APBB1: variants seen among roughly 807,000 people sequenced by gnomAD.
APBB1 encodes adaptor protein FE65a2.
A neutral mutation model predicts 78.4 loss-of-function variants in APBB1; 22 were observed. The ratio of observed to expected loss-of-function variants is 0.28; its 90% CI spans 0.20 to 0.40. The LOEUF is 0.40. Among genes scored for constraint, APBB1 ranks in the 10% least tolerant of loss-of-function variants. APBB1 has a pLI of 1.00. For synonymous variants in APBB1, 369 were observed against 372.7 expected (o/e 0.99, Z 0.12); for missense variants, 749 against 932.4 (o/e 0.80, Z 2.56).
At chr11:6,408,100 C>T (rs1848863354) in intron 2 of APBB1, among the ~76,000 whole-genome samples, 1 of 152,162 alleles carries the variant, frequency 6.6e-6, no homozygotes, top group Non-Finnish European at 1.5e-5. Context: ...TTTAATACCA[C>T]CTATGAAATA....
intron 7 of APBB1, 101 bp from the exon 8 acceptor site, chr11:6,402,310 C>T (rs976354538): frequency 3.2e-5 from 49 of 1,531,322 alleles, no homozygotes; most frequent in Non-Finnish European, 4.1e-5. Context: ...CTCTGGGGCC[C>T]CTGCTTTGGT....
intron 2 of APBB1, chr11:6,405,594 G>A (rs1848769945): frequency 2.7e-5 from 27 of 985,876 alleles, no homozygotes; most frequent in South Asian, 4.7e-5. Flanking sequence ...GCGTGGTTAC[G>A]CCAAGGTGGC....
At chr11:6,398,004 G>A (rs1223434877) in intron 12 of APBB1, among the ~76,000 whole-genome samples, 1 of 152,198 alleles carries the variant, frequency 6.6e-6, no homozygotes, top group Admixed American at 6.5e-5. Context: ...TCAGGTGTGT[G>A]AAAGGGACAT....
intron 1 of APBB1, among the ~76,000 whole-genome samples, chr11:6,416,244 T>C (rs1333434777): frequency 2.6e-5 from 4 of 152,180 alleles, no homozygotes; most frequent in African/African-American, 9.7e-5. Flanking sequence ...GTTTGCTGGG[T>C]TCCTAGACTC....
chr11:6,418,990 C>A lies in APBB1; in HGVS notation c.-20G>T. On this transcript the variant is annotated 5_prime_UTR_variant, in exon 1 of 15. Transcript: ENST00000609360. ...GGGGCAGGGACACCTCCTACCTGCG[C>A]GGTGAGGCCCCGGGCCCAGATGACG... 2.5e-6 allele frequency: 1 copy of A among 392,668 alleles called. No individual in the cohort carries two copies. Among genetic ancestry groups the A allele is most frequent in the Admixed American group, 4.4e-5 (1 of 22,536 alleles). The allele number at this position is 392,668 out of a possible 1,614,324, so 24.3% of individuals were successfully genotyped here.
At position 6,395,548 on chromosome 11, in the gene APBB1, C is replaced by G; in HGVS notation, c.2119G>C (p.Ala707Pro). 6.4e-7 allele frequency: 1 copy of G among 1,565,432 alleles called. No individual in the cohort carries two copies. The highest frequency in any genetic ancestry group is 1.9e-5 in the Admixed American group (1 of 52,826). The change falls in exon 15 of 15, where the codon GCC becomes CCC. Residue 707 changes from alanine to proline, a missense_variant. Physicochemically the swap from Ala to Pro is conservative, Grantham distance 27. Transcript: ENST00000609360. The surrounding 1 kb of genome is among the most constrained non-coding windows in gnomAD (Gnocchi z 5.2). ...WGSLKPKRLG[A>P]HTP ...TGGGGGCTTCTTCATGGGGTATGGG[C>G]CCCCAGCCGTTTGGGCTTCAGGGAG...
intron 2 of APBB1, chr11:6,405,416 TC>T (rs1848759374): frequency 1.0e-6 from 1 of 987,000 alleles, no homozygotes; most frequent in Admixed American, 6.1e-5. Flanking sequence ...CTGCAGCGTC[TC>T]CTCGGCAACC....
At chr11:6,400,891 T>C (rs1203329673) in intron 12 of APBB1, 98 bp downstream of exon 12, 1 of 1,116,822 alleles carries the variant, frequency 9.0e-7, no homozygotes, top group South Asian at 1.2e-5. Flanking sequence ...ACACCAAGCA[T>C]GAGGAAGGTC....
chr11:6,410,636 C>G lies in APBB1; in HGVS notation c.712G>C (p.Glu238Gln). ...SQGSPSYGSP[E>Q]DTDSFWNPNA... ...AAGCTCCACAAGGTACCTGTGTCCT[C>G]TGGGGAGCCATAGGAGGGGCTGCCC... The change falls in exon 2 of 15, where the codon GAG becomes CAG. Residue 238 changes from glutamate to glutamine, a missense_variant. Transcript: ENST00000609360. The G allele has an allele frequency of 6.6e-7, 1 of 1,516,722 alleles. No homozygotes were observed. Among genetic ancestry groups the G allele is most frequent in the Non-Finnish European group, 8.8e-7 (1 of 1,133,616 alleles). The allele number at this position is 1,516,722 out of a possible 1,614,324, so 94.0% of individuals were successfully genotyped here. A position where few individuals can be genotyped will look rare whatever the true frequency, so the allele number is the denominator to read the frequency against.
rs538030062 is a variant in APBB1 at position 6,402,812 on chromosome 11, G to T, written c.1105-87C>A. The stretch of plus-strand genomic sequence containing the variant: ...ACTACAGAGTGTGGCAGGAGGCAGG[G>T]TGTTCTGAACTAAGACGGAGAAGCT... On this transcript the variant is annotated intron_variant, in intron 6 of 14. Transcript: ENST00000609360. The T allele has an allele frequency of 3.3e-5, 51 of 1,545,808 alleles. No homozygotes were observed. The East Asian group carries it at 1.2e-3, about 35-fold the overall frequency.
rs2682094 is a variant in APBB1 at position 6,410,970 on chromosome 11, G to A, written c.378C>T (p.Asn126=). Residue 126 remains asparagine, a synonymous_variant, in exon 2 of 15, where the codon AAC becomes AAT. Transcript: ENST00000609360. ...LYSELELSAH[N]AANRGLRGPG... ...GTCCTCGTAGGCCTCGGTTGGCTGC[G>A]TTGTGAGCTGAGAGCTCCAGCTCAG... 1.9e-3 allele frequency: 3,081 copies of A among 1,614,198 alleles called. 57 individuals carry two copies. The African/African-American group carries it at 0.035, about 18-fold the overall frequency.
chr11:6,395,336 A>T lies in APBB1; in HGVS notation c.*198T>A. 2.0e-6 allele frequency: 1 copy of T among 507,804 alleles called. No individual in the cohort carries two copies. The highest frequency in any genetic ancestry group is 3.3e-6 in the Non-Finnish European group (1 of 304,454). The allele number at this position is 507,804 out of a possible 1,614,324, so 31.5% of individuals were successfully genotyped here. A position where few individuals can be genotyped will look rare whatever the true frequency, so the allele number is the denominator to read the frequency against. On this transcript the variant is annotated 3_prime_UTR_variant, in exon 15 of 15. Coordinates refer to ENST00000609360, the MANE Select transcript of APBB1 (RefSeq NM_001164.5). The surrounding 1 kb of genome is among the most constrained non-coding windows in gnomAD (Gnocchi z 5.2). Reference sequence around the variant, plus strand: ...GGCCTTGCTTCCTGCTCCTCTTGTTACCACTCCAGTGTTATCACTTCCTTG... The same window carrying T: ...GGCCTTGCTTCCTGCTCCTCTTGTTTCCACTCCAGTGTTATCACTTCCTTG...
intron 2 of APBB1, among the ~76,000 whole-genome samples, chr11:6,408,066 A>G (rs1373119899): frequency 3.9e-5 from 6 of 152,226 alleles, no homozygotes; most frequent in African/African-American, 1.4e-4. Flanking sequence ...GGCGTGAGCC[A>G]CCGCGCCCGG....
intron 2 of APBB1, among the ~76,000 whole-genome samples, chr11:6,409,733 T>C (rs1484071268): frequency 1.4e-5 from 2 of 146,550 alleles, no homozygotes; most frequent in East Asian, 3.9e-4. Flanking sequence ...GTTGTAACTA[T>C]AGCCCATTAT....
intron 7 of APBB1, 130 bp from the exon 8 acceptor site, chr11:6,402,339 C>T: frequency 7.4e-7 from 1 of 1,355,924 alleles, no homozygotes; most frequent in Non-Finnish European, 1.0e-6. Flanking sequence ...GCCCGCCCTG[C>T]AGGCCTCACT....
intron 12 of APBB1, among the ~76,000 whole-genome samples, chr11:6,399,102 A>G (rs1848369150): frequency 6.6e-6 from 1 of 152,052 alleles, no homozygotes; most frequent in African/African-American, 2.4e-5. Context: ...CATCCTCTAC[A>G]CATCCATTGA....
rs1309453591 is a variant in APBB1 at position 6,411,769 on chromosome 11, GCC to G, written c.-14-410_-14-409del. Reference sequence around the variant, plus strand: ...GTGTTTTGGACACTGATCACTGACTGCCCCTCTCCGGCCGCACTTCCATCCCA... The same window carrying G: ...GTGTTTTGGACACTGATCACTGACTGCCTCTCCGGCCGCACTTCCATCCCA... On this transcript the variant is annotated intron_variant, in intron 1 of 14. Coordinates refer to ENST00000609360, the MANE Select transcript of APBB1 (RefSeq NM_001164.5). The surrounding 1 kb of genome is among the most constrained non-coding windows in gnomAD (Gnocchi z 5.2). Among the ~76,000 whole-genome samples, 4 of 152,080 alleles carry G rather than the reference GCC, an allele frequency of 2.6e-5. No individual in the cohort carries two copies. Among genetic ancestry groups the G allele is most frequent in the African/African-American group, 9.7e-5 (4 of 41,416 alleles).
chr11:6,408,252 T>C (rs1228434363), intron 2 of APBB1, among the ~76,000 whole-genome samples: 1 of 151,944 alleles, frequency 6.6e-6, no homozygotes, highest in East Asian at 1.9e-4. Flanking sequence ...ATCCAAACCA[T>C]AGAAAACTCA....
chr11:6,398,241 T>C (rs559146285), intron 12 of APBB1, among the ~76,000 whole-genome samples: 11 of 152,248 alleles, frequency 7.2e-5, no homozygotes, highest in Admixed American at 4.6e-4. Flanking sequence ...TTGTATCAGT[T>C]GTTGCCTTCT....
Sources: gnomAD v4.1 joint callset for allele counts (sites outside exome capture counted in the v4.1 genomes callset) on GRCh38, gnomAD v4.1.1 for gene constraint, Gnocchi (gnomAD v3.1) non-coding constraint, MANE v1.5 for transcripts, NCBI Gene and HGNC (gene_info 2026-07-23, HGNC 2026-07-21) for gene names.